SLC35F3: variants seen among roughly 807,000 people sequenced by gnomAD.
The protein encoded by SLC35F3 is putative thiamine transporter SLC35F3.
In SLC35F3, 25 loss-of-function variants were observed where a neutral mutation model predicts 49.9. The ratio of observed to expected loss-of-function variants is 0.50; its 90% confidence interval spans 0.37 to 0.70. The LOEUF is 0.70. Ranked by LOEUF, SLC35F3 falls within the 30% of genes least tolerant of loss-of-function variation. SLC35F3 has a pLI of 0.00. For synonymous variants in SLC35F3, 275 were observed against 265.4 expected, an observed-to-expected ratio of 1.04 and a Z score of -0.35; for missense variants, 525 against 639.8, an observed-to-expected ratio of 0.82 and a Z score of 1.94.
At chr1:234,022,378 G>A (rs1163172496) in intron 2 of SLC35F3, among the ~76,000 whole-genome samples, 9 of 152,292 alleles carry the variant, frequency 5.9e-5, no homozygotes, top group South Asian at 2.1e-4. Flanking sequence ...AAAGTACAGC[G>A]GGCTGGAGGC....
At chr1:234,271,022 G>A (rs2102974594) in intron 3 of SLC35F3, among the ~76,000 whole-genome samples, 1 of 152,330 alleles carries the variant, frequency 6.6e-6, no homozygotes, top group Middle Eastern at 3.4e-3. Context: ...TCCAACAGCA[G>A]AATAATTTGA....
chr1:233,922,612 A>T (rs1363012423), intron 2 of SLC35F3, among the ~76,000 whole-genome samples: 1 of 148,940 alleles, frequency 6.7e-6, no homozygotes, highest in Non-Finnish European at 1.5e-5. Flanking sequence ...GTTCACTCTG[A>T]TGGTAGTTTC....
At chr1:234,005,369 G>A (rs1362914698) in intron 2 of SLC35F3, among the ~76,000 whole-genome samples, 3 of 152,120 alleles carry the variant, frequency 2.0e-5, no homozygotes, top group East Asian at 3.9e-4. Context: ...TACATATGAC[G>A]TTGAGTCACC....
intron 2 of SLC35F3, among the ~76,000 whole-genome samples, chr1:234,015,347 C>CA (rs34202675): frequency 0.48 from 62,863 of 132,162 alleles, 16,278 homozygotes; most frequent in African/African-American, 0.71. Context: ...GACTCTATAT[C>CA]AAAAAAAAAA....
At chr1:234,098,108 T>G (rs1359265154) in intron 2 of SLC35F3, among the ~76,000 whole-genome samples, 2 of 147,726 alleles carry the variant, frequency 1.4e-5, no homozygotes, top group Non-Finnish European at 3.0e-5. Flanking sequence ...GTGGTGACTG[T>G]GTTAGTGGTG....
At chr1:234,207,407 C>T (rs12733064) in intron 2 of SLC35F3, among the ~76,000 whole-genome samples, 2 of 7,852 alleles carry the variant, frequency 2.5e-4, no homozygotes, top group South Asian at 2.2e-3. Flanking sequence ...TCCTCCCTCC[C>T]TCCTTCCTTT....
At chr1:234,063,588 A>C (rs1664575712) in intron 2 of SLC35F3, among the ~76,000 whole-genome samples, 1 of 152,046 alleles carries the variant, frequency 6.6e-6, no homozygotes, top group African/African-American at 2.4e-5. Flanking sequence ...GTTTAATCCT[A>C]AATGGGTCCT....
intron 2 of SLC35F3, among the ~76,000 whole-genome samples, chr1:234,056,586 C>G (rs1664460281): frequency 1.3e-5 from 2 of 152,172 alleles, no homozygotes; most frequent in South Asian, 4.1e-4. Context: ...TGTGCCTATT[C>G]TGGACATTTC....
chr1:234,284,371 G>C (rs1668377617), intron 3 of SLC35F3, among the ~76,000 whole-genome samples: 3 of 152,184 alleles, frequency 2.0e-5, no homozygotes, highest in Non-Finnish European at 2.9e-5. Context: ...CAAGACAACT[G>C]TTTGCCACAT....
intron 2 of SLC35F3, among the ~76,000 whole-genome samples, chr1:234,057,676 G>A (rs1020592165): frequency 6.6e-6 from 1 of 152,026 alleles, no homozygotes; most frequent in Non-Finnish European, 1.5e-5. Context: ...CCAGTCTAAT[G>A]TTGAATGAAA....
chr1:234,151,910 C>T (rs1666080020), intron 2 of SLC35F3, among the ~76,000 whole-genome samples: 1 of 151,936 alleles, frequency 6.6e-6, no homozygotes, highest in Non-Finnish European at 1.5e-5. Context: ...ATTTAAAGAG[C>T]ATTTTATACC....
In SLC35F3 at chr1:234,316,689, C is replaced by A; in HGVS notation, c.916C>A (p.Leu306Met). 6.2e-7 allele frequency: 1 copy of A among 1,613,034 alleles called. No individual in the cohort carries two copies. The highest frequency in any genetic ancestry group is 8.5e-7 in the Non-Finnish European group (1 of 1,179,040). Residue 306 changes from leucine (L) to methionine (M), a missense_variant, in exon 5 of 8, where the codon CTG becomes ATG. By Grantham distance (15) the Leu-to-Met change is conservative. Coordinates refer to ENST00000366618, the MANE Select transcript of SLC35F3 (RefSeq NM_173508.4). ...CAGCCACTCCGTCATCGGCATCGCA[C>A]TGGTGGTGGCCTCAGCATCGATGTC... ...FHSHSVIGIALVVASASMSAL... is the reference protein window; with the variant it reads ...FHSHSVIGIAMVVASASMSAL...
At chr1:233,971,128 T>C (rs1662984453) in intron 2 of SLC35F3, among the ~76,000 whole-genome samples, 1 of 152,238 alleles carries the variant, frequency 6.6e-6, no homozygotes, top group South Asian at 2.1e-4. Flanking sequence ...TGCTTCTGAA[T>C]CTGAATGGCA....
At chr1:233,923,332 G>A (rs1662100117) in intron 2 of SLC35F3, among the ~76,000 whole-genome samples, 2 of 152,152 alleles carry the variant, frequency 1.3e-5, no homozygotes, top group Non-Finnish European at 2.9e-5. Context: ...ATTGAGCAGT[G>A]CTTTGTAGTT....
chr1:233,958,909 C>T lies in SLC35F3; in HGVS notation c.283+53151C>T, dbSNP rs74145749. On this transcript the variant is annotated intron_variant, in intron 2 of 7. Transcript: ENST00000366618. Reference sequence around the variant, plus strand: ...CTGCCCCAAATGTTACCCTTTTTTCCATGATAGAAAATAGAAAAACATTTC... The same window carrying T: ...CTGCCCCAAATGTTACCCTTTTTTCTATGATAGAAAATAGAAAAACATTTC... 4.1e-3 allele frequency among the ~76,000 whole-genome samples: 620 copies of T among 152,090 alleles called. 1 individual carries two copies. Among genetic ancestry groups the T allele is most frequent in the African/African-American group, 0.014 (586 of 41,492 alleles).
Position 234,183,017 on chromosome 1 carries a change from T to TTTTGTTTG in SLC35F3, c.284-48392_284-48385dup, listed in dbSNP as rs528367224. ...TTGCCTTTTTACTTTGCTTAAGACTTTTTGTTTGTTTGTTTTTGAGATGGA... is the reference window on the plus strand; with the variant it reads ...TTGCCTTTTTACTTTGCTTAAGACTTTTTGTTTGTTTGTTTGTTTGTTTTTGAGATGGA... On this transcript the variant is annotated intron_variant, in intron 2 of 7. Coordinates refer to ENST00000366618, the MANE Select transcript of SLC35F3 (RefSeq NM_173508.4). Among the ~76,000 whole-genome samples, 70 of 137,900 alleles carry TTTTGTTTG rather than the reference T, an allele frequency of 5.1e-4. 13 individuals are homozygous for TTTTGTTTG. In the South Asian group the frequency reaches 0.014, roughly 27 times the overall value. The allele number at this position is 137,900 out of a possible 152,430, so 90.5% of individuals were successfully genotyped here. A position where few individuals can be genotyped will look rare whatever the true frequency, so the allele number is the denominator to read the frequency against.
At chr1:234,301,449 A>ATCAC (rs1488470906) in intron 3 of SLC35F3, among the ~76,000 whole-genome samples, 1 of 152,238 alleles carries the variant, frequency 6.6e-6, no homozygotes, top group Non-Finnish European at 1.5e-5. Flanking sequence ...AATGCTCAAC[A>ATCAC]TCACTGATCA....
intron 2 of SLC35F3, among the ~76,000 whole-genome samples, chr1:234,025,048 C>T (rs957110809): frequency 6.6e-6 from 1 of 152,174 alleles, no homozygotes; most frequent in African/African-American, 2.4e-5. Flanking sequence ...TTTAGCTTCC[C>T]GTTATAAGGA....
At chr1:233,915,358 A>G (rs1434569245) in intron 2 of SLC35F3, among the ~76,000 whole-genome samples, 1 of 152,206 alleles carries the variant, frequency 6.6e-6, no homozygotes, top group Non-Finnish European at 1.5e-5. Context: ...AAATTGAGTC[A>G]GCTCATTTTT....
Sources: allele counts gnomAD v4.1 joint callset (sites outside exome capture counted in the v4.1 genomes callset), GRCh38; gene constraint gnomAD v4.1.1; transcripts MANE v1.5; gene names NCBI Gene and HGNC (gene_info 2026-07-23, HGNC 2026-07-21).